The following ATAD1 variants were observed in gnomAD, a reference collection of about 807,000 sequenced individuals.
ATAD1 encodes the protein outer mitochondrial transmembrane helix translocase.
ATAD1 carries 18 observed loss-of-function variants against 42.7 expected under a neutral mutation model. That is an observed-to-expected ratio of 0.42 (90% CI 0.29 to 0.63). The LOEUF (loss-of-function observed/expected upper bound fraction) is 0.63. Ranked by LOEUF, ATAD1 falls within the 20% of genes least tolerant of loss-of-function variation. The pLI, the probability that ATAD1 is intolerant of heterozygous loss-of-function variation, is 0.19. For synonymous variants in ATAD1, 132 were observed against 143.1 expected (o/e 0.92, Z 0.55); for missense variants, 294 against 440.4 (o/e 0.67, Z 2.98).
intron 2 of ATAD1, among the ~76,000 whole-genome samples, chr10:87,810,376 A>G (rs561924551): frequency 1.3e-5 from 2 of 152,122 alleles, no homozygotes; most frequent in African/African-American, 4.8e-5. Context: ...TATACTATAC[A>G]TGTCCATTTT....
chr10:87,759,466 A>G (rs1244021693), intron 8 of ATAD1, among the ~76,000 whole-genome samples: 1 of 152,234 alleles, frequency 6.6e-6, no homozygotes, highest in Non-Finnish European at 1.5e-5. Flanking sequence ...CATTTAACAA[A>G]CTACTTTAAA....
chr10:87,818,958 C>T (rs529529111), upstream of ATAD1: 17 of 152,384 alleles, frequency 1.1e-4, no homozygotes, highest in Admixed American at 5.9e-4. Context: ...CCAGAGCCTC[C>T]TGAATACACA....
chr10:87,772,217 CTTTT>C (rs904878344), intron 6 of ATAD1, among the ~76,000 whole-genome samples: 100 of 148,916 alleles, frequency 6.7e-4, no homozygotes, highest in Admixed American at 1.3e-3. Context: ...TTCTTTCTTT[CTTTT>C]TTTTTTTGAA....
Position 87,818,183 on chromosome 10 carries a change from C to A in ATAD1, c.-30G>T. On this transcript the variant is annotated 5_prime_UTR_variant, in exon 1 of 10. Transcript: ENST00000680024. ...GCTACTCACCCAGGGGCAGAAACAG[C>A]AAGAGCAAGTGCCCTCAGCCGGCCT... is the stretch of plus-strand genomic sequence containing the variant. 1 of 985,688 alleles carries A rather than the reference C, an allele frequency of 1.0e-6. No individual in the cohort carries two copies. The highest frequency in any genetic ancestry group is 1.2e-6 in the Non-Finnish European group (1 of 830,116). 61.1% of individuals were successfully genotyped at this position (985,688 alleles called of 1,614,324 possible).
chr10:87,769,581 C>T (rs968648304), intron 7 of ATAD1, among the ~76,000 whole-genome samples: 4 of 152,154 alleles, frequency 2.6e-5, no homozygotes, highest in Non-Finnish European at 4.4e-5. Flanking sequence ...AAACAGAATT[C>T]TTCAAGGACC....
intron 5 of ATAD1, 95 bp from the exon 6 acceptor site, chr10:87,776,522 G>GC (rs1855312697): frequency 1.1e-6 from 1 of 914,342 alleles, no homozygotes; most frequent in Non-Finnish European, 1.7e-6. Flanking sequence ...AGGCTGGGGT[G>GC]CAATGGCGCA....
At chr10:87,836,767 C>T (rs973481711) in intron 1 of ATAD1, among the ~76,000 whole-genome samples, 5 of 152,114 alleles carry the variant, frequency 3.3e-5, no homozygotes, top group East Asian at 1.9e-4. Flanking sequence ...TTTGGTACTA[C>T]GTTGTATTCT....
intron 1 of ATAD1, among the ~76,000 whole-genome samples, chr10:87,828,578 T>G (rs1455572942): frequency 2.0e-5 from 3 of 152,234 alleles, no homozygotes; most frequent in Non-Finnish European, 4.4e-5. Context: ...GAAGCTGCAG[T>G]AATTTACCCA....
chr10:87,774,169 C>T (rs1855182140), intron 6 of ATAD1, among the ~76,000 whole-genome samples: 1 of 152,058 alleles, frequency 6.6e-6, no homozygotes, highest in Non-Finnish European at 1.5e-5. Context: ...CTTAAGGGAT[C>T]CTTAAACCCT....
intron 2 of ATAD1, among the ~76,000 whole-genome samples, chr10:87,811,334 AAAAT>A (rs71022509): frequency 7.4e-5 from 11 of 149,600 alleles, no homozygotes; most frequent in African/African-American, 1.2e-4. Context: ...CTCCAACTCA[AAAAT>A]AAATAAATAA....
intron 1 of ATAD1, among the ~76,000 whole-genome samples, chr10:87,837,029 T>C (rs1857943464): frequency 1.3e-5 from 2 of 151,276 alleles, no homozygotes; most frequent in African/African-American, 4.9e-5. Flanking sequence ...ATTTCATTTT[T>C]TTATTATTTT....
rs913144697 is a variant in ATAD1 at position 87,752,761 on chromosome 10, A to G, written c.*1926T>C. 6.6e-6 allele frequency: 1 copy of G among 152,218 alleles called. No individual in the cohort carries two copies. Among genetic ancestry groups the G allele is most frequent in the African/African-American group, 2.4e-5 (1 of 41,458 alleles). The allele number at this position is 152,218 out of a possible 1,614,324, so 9.4% of individuals were successfully genotyped here. On this transcript the variant is annotated 3_prime_UTR_variant, in exon 10 of 10. Coordinates refer to ENST00000680024, the MANE Select transcript of ATAD1 (RefSeq NM_001321967.2). ...ATTACTTTATGGTCTTAACATGCCT[A>G]GATGAGTCATAGTTGCTGGGATTAG...
chr10:87,785,051 C>T (rs1855760274), intron 4 of ATAD1, among the ~76,000 whole-genome samples: 2 of 152,220 alleles, frequency 1.3e-5, no homozygotes, highest in African/African-American at 4.8e-5. Context: ...AGAAGGTAAA[C>T]AACTTCAAAA....
At chr10:87,798,041 C>T (rs1321393262) in intron 2 of ATAD1, among the ~76,000 whole-genome samples, 4 of 152,042 alleles carry the variant, frequency 2.6e-5, no homozygotes, top group African/African-American at 9.7e-5. Context: ...AGTGGCCTTA[C>T]AAGAAAATCC....
chr10:87,764,482 A>G (rs1276513923), intron 8 of ATAD1, among the ~76,000 whole-genome samples: 36 of 152,136 alleles, frequency 2.4e-4, no homozygotes, highest in Admixed American at 2.4e-3. Context: ...CAAACAAACA[A>G]AAAGGTGTTG....
At chr10:87,814,330 G>T in intron 2 of ATAD1, 108 bp downstream of exon 2, 1 of 976,454 alleles carries the variant, frequency 1.0e-6, no homozygotes, top group Non-Finnish European at 1.4e-6. Context: ...TTTTCATGTG[G>T]GTCTTATAGA....
At chr10:87,795,882 A>G (rs1281646171) in intron 2 of ATAD1, among the ~76,000 whole-genome samples, 1 of 152,192 alleles carries the variant, frequency 6.6e-6, no homozygotes, top group East Asian at 1.9e-4. Context: ...CATTAACAAG[A>G]GTGAAAAATC....
At chr10:87,817,654 A>G (rs1857482257) in intron 1 of ATAD1, 1 of 905,406 alleles carries the variant, frequency 1.1e-6, no homozygotes, top group African/African-American at 1.8e-5. Flanking sequence ...AATACAGCCT[A>G]TGACAATGAA....
intron 1 of ATAD1, among the ~76,000 whole-genome samples, chr10:87,825,086 TC>T: frequency 6.6e-6 from 1 of 152,332 alleles, no homozygotes; most frequent in East Asian, 1.9e-4. Flanking sequence ...GATTGAAACA[TC>T]TTATAAAAAT....
Sources: allele counts gnomAD v4.1 joint callset (sites outside exome capture counted in the v4.1 genomes callset), GRCh38; gene constraint gnomAD v4.1.1; transcripts MANE v1.5; gene names NCBI Gene and HGNC (gene_info 2026-07-23, HGNC 2026-07-21).